The following PLCB1 variants were observed in gnomAD, a reference collection of about 807,000 sequenced individuals.
PLCB1 encodes the protein 1-phosphatidylinositol 4,5-bisphosphate phosphodiesterase beta-1.
Under a neutral mutation model 161.8 loss-of-function variants are expected in PLCB1, and 46 were observed. The observed-to-expected ratio is 0.28, with a 90% CI of 0.22 to 0.36. The LOEUF (loss-of-function observed/expected upper bound fraction) is 0.36, where lower values mean the gene tolerates loss of function less well. Among genes scored for constraint, PLCB1 ranks in the 10% least tolerant of loss-of-function variants. The pLI is 1.00. For synonymous variants in PLCB1, 517 were observed against 503.7 expected (o/e 1.03, Z -0.35); for missense variants, 1,016 against 1,472.5 (o/e 0.69, Z 5.07).
At chr20:8,372,800 C>T (rs149431678) in intron 3 of PLCB1, among the ~76,000 whole-genome samples, 1 of 152,256 alleles carries the variant, frequency 6.6e-6, no homozygotes, top group East Asian at 1.9e-4. Context: ...ATTGATAATG[C>T]AGCTATGAAA....
chr20:8,477,745 G>A (rs34666560), intron 3 of PLCB1, among the ~76,000 whole-genome samples: 2,983 of 152,212 alleles, frequency 0.02, 37 homozygotes, highest in Middle Eastern at 0.031. Context: ...ACCAGCTCTC[G>A]CATGAACTAA....
Position 8,788,618 on chromosome 20 carries a change from C to T in PLCB1, c.3189-15C>T, listed in dbSNP as rs1983603969. 2 of 1,597,416 alleles carry T rather than the reference C, an allele frequency of 1.3e-6. No homozygotes were observed. The highest frequency in any genetic ancestry group is 1.3e-5 in the African/African-American group (1 of 74,320). The stretch of plus-strand genomic sequence containing the variant: ...TTTGCCTCTTTTTTCTCTTTTACTT[C>T]CATTGTGACTTCAGAGAAAAGAAAG... On this transcript the variant is annotated splice_polypyrimidine_tract_variant and intron_variant, in intron 28 of 31. Coordinates refer to ENST00000338037, the MANE Select transcript of PLCB1 (RefSeq NM_015192.4).
At chr20:8,768,891 A>G (rs986739282) in intron 26 of PLCB1, among the ~76,000 whole-genome samples, 1 of 152,226 alleles carries the variant, frequency 6.6e-6, no homozygotes, top group African/African-American at 2.4e-5. Flanking sequence ...CTCGTTAACT[A>G]TCCCTAATGT....
At chr20:8,848,236 T>C (rs76044822) in intron 31 of PLCB1, among the ~76,000 whole-genome samples, 1 of 152,014 alleles carries the variant, frequency 6.6e-6, no homozygotes, top group Non-Finnish European at 1.5e-5. Context: ...CCCAAGAACA[T>C]GAGCTTATGA....
intron 3 of PLCB1, among the ~76,000 whole-genome samples, chr20:8,544,716 T>G (rs541240595): frequency 1.3e-5 from 2 of 152,230 alleles, no homozygotes; most frequent in Admixed American, 6.5e-5. Flanking sequence ...TCAGGGCATG[T>G]GCAAGTTTTC....
chr20:8,554,203 A>C (rs1356829353), intron 3 of PLCB1, among the ~76,000 whole-genome samples: 1 of 152,122 alleles, frequency 6.6e-6, no homozygotes, highest in Non-Finnish European at 1.5e-5. Flanking sequence ...AGTTTCTAAT[A>C]AAGTTAAATA....
intron 2 of PLCB1, among the ~76,000 whole-genome samples, chr20:8,216,802 C>T (rs1027607204): frequency 1.3e-5 from 2 of 152,086 alleles, no homozygotes; most frequent in African/African-American, 2.4e-5. Context: ...TTGACATCTG[C>T]GGTGCCTATA....
chr20:8,243,678 T>C (rs768634886), intron 2 of PLCB1, among the ~76,000 whole-genome samples: 22 of 151,952 alleles, frequency 1.4e-4, no homozygotes, highest in Non-Finnish European at 2.9e-4. Context: ...ATTAAGAATA[T>C]GCAATGCACA....
intron 2 of PLCB1, among the ~76,000 whole-genome samples, chr20:8,329,512 GT>G (rs1028345270): frequency 1.3e-5 from 2 of 151,830 alleles, no homozygotes; most frequent in South Asian, 2.1e-4. Context: ...TTGTTTGTTT[GT>G]TTTTTTGTTC....
chr20:8,703,413 G>A (rs1297661750), intron 11 of PLCB1, among the ~76,000 whole-genome samples: 3 of 152,140 alleles, frequency 2.0e-5, no homozygotes, highest in Non-Finnish European at 2.9e-5. Flanking sequence ...GAGTGAAGGT[G>A]GGGGGCTAAA....
chr20:8,156,884 A>G (rs1446486584), intron 2 of PLCB1, among the ~76,000 whole-genome samples: 2 of 152,236 alleles, frequency 1.3e-5, no homozygotes, highest in Non-Finnish European at 1.5e-5. Context: ...CATAATAAAC[A>G]ATGACTCTCT....
intron 2 of PLCB1, among the ~76,000 whole-genome samples, chr20:8,242,646 A>C (rs929421005): frequency 6.6e-6 from 1 of 151,934 alleles, no homozygotes; most frequent in Non-Finnish European, 1.5e-5. Flanking sequence ...ACATTAGTCG[A>C]CTTAGAGAGA....
At chr20:8,241,508 A>T (rs1439033882) in intron 2 of PLCB1, among the ~76,000 whole-genome samples, 1 of 151,976 alleles carries the variant, frequency 6.6e-6, no homozygotes, top group Non-Finnish European at 1.5e-5. Flanking sequence ...TTGATGTTGA[A>T]GCAAAGTTCT....
intron 2 of PLCB1, among the ~76,000 whole-genome samples, chr20:8,210,309 A>C (rs996260102): frequency 1.3e-5 from 2 of 152,104 alleles, no homozygotes; most frequent in Non-Finnish European, 2.9e-5. Flanking sequence ...GTGGTAATGG[A>C]AGTCTGTTTT....
At chr20:8,186,302 C>T (rs987731933) in intron 2 of PLCB1, among the ~76,000 whole-genome samples, 1 of 152,142 alleles carries the variant, frequency 6.6e-6, no homozygotes, top group Non-Finnish European at 1.5e-5. Flanking sequence ...ATTATTTATA[C>T]ATTTTTCCTG....
intron 27 of PLCB1, among the ~76,000 whole-genome samples, chr20:8,777,006 C>G (rs1449935411): frequency 6.6e-6 from 1 of 152,138 alleles, no homozygotes; most frequent in Non-Finnish European, 1.5e-5. Context: ...ACAGCCAACA[C>G]AGGGAGGAGG....
intron 3 of PLCB1, among the ~76,000 whole-genome samples, chr20:8,545,814 C>G (rs577086979): frequency 1.3e-5 from 2 of 152,146 alleles, no homozygotes; most frequent in African/African-American, 2.4e-5. Flanking sequence ...TTCTTCTATA[C>G]GGCACACATT....
intron 2 of PLCB1, among the ~76,000 whole-genome samples, chr20:8,151,070 T>C (rs1329704843): frequency 6.6e-6 from 1 of 152,216 alleles, no homozygotes; most frequent in Non-Finnish European, 1.5e-5. Flanking sequence ...AAGTGGTTAT[T>C]ATTTCAAGCA....
intron 2 of PLCB1, among the ~76,000 whole-genome samples, chr20:8,178,464 A>G (rs1219913716): frequency 6.6e-6 from 1 of 152,074 alleles, no homozygotes; most frequent in African/African-American, 2.4e-5. Flanking sequence ...GTCTCTGTTC[A>G]TGTCCTCTGC....
Sources: allele counts gnomAD v4.1 joint callset (sites outside exome capture counted in the v4.1 genomes callset), GRCh38; gene constraint gnomAD v4.1.1; transcripts MANE v1.5; gene names NCBI Gene and HGNC (gene_info 2026-07-23, HGNC 2026-07-21).